The following ILKAP variants were observed in gnomAD, a reference collection of about 807,000 sequenced individuals.
ILKAP encodes ILK associated serine/threonine phosphatase.
ILKAP carries 11 observed loss-of-function variants against 49.1 expected under a neutral mutation model. That is an observed-to-expected ratio of 0.22 (90% CI 0.14 to 0.37). The LOEUF is 0.37. Ranked by LOEUF, ILKAP falls within the 10% of genes least tolerant of loss-of-function variation. ILKAP has a pLI of 1.00. For missense variants in ILKAP, 363 were observed against 510.8 expected (o/e 0.71, Z 2.79); for synonymous variants, 186 against 192.8 (o/e 0.96, Z 0.29).
chr2:238,181,203 C>T (rs1033440534), intron 9 of ILKAP, among the ~76,000 whole-genome samples: 2 of 152,204 alleles, frequency 1.3e-5, no homozygotes, highest in Non-Finnish European at 2.9e-5. Context: ...AGAGAAACTA[C>T]ACTTCAAAGG....
At chr2:238,177,150 GA>G (rs879319756) in intron 9 of ILKAP, among the ~76,000 whole-genome samples, 142 of 152,226 alleles carry the variant, frequency 9.3e-4, no homozygotes, top group Middle Eastern at 3.4e-3. Flanking sequence ...TAAGAAAGTA[GA>G]AAAAAATAAT....
At chr2:238,193,784 G>A (rs1694240566) in intron 3 of ILKAP, among the ~76,000 whole-genome samples, 2 of 152,138 alleles carry the variant, frequency 1.3e-5, no homozygotes, top group South Asian at 4.1e-4. Context: ...CCCAACCAGA[G>A]GAGCTCTACC....
chr2:238,194,508 T>C (rs1022493287), intron 2 of ILKAP, 177 bp from the exon 3 acceptor site: 1 of 622,874 alleles, frequency 1.6e-6, no homozygotes, highest in African/African-American at 1.8e-5. Context: ...AAAGTCCTAT[T>C]ATTTCAAAGG....
At position 238,199,515 on chromosome 2, in the gene ILKAP, G is replaced by A. The variant is rs149861777; in HGVS notation, c.55+3984C>T. On this transcript the variant is annotated intron_variant, in intron 1 of 11. Coordinates refer to ENST00000254654, the MANE Select transcript of ILKAP (RefSeq NM_030768.3). ...CATTTGTATTCCTTACCTCTGAACT[G>A]GGAGGATACATCCTTTGACCATTTT... Among the ~76,000 whole-genome samples the A allele has an allele frequency of 4.1e-4, 63 of 152,254 alleles. 1 individual carries two copies. Among genetic ancestry groups the A allele is most frequent in the African/African-American group, 1.4e-3 (58 of 41,536 alleles).
At chr2:238,183,954 A>G in intron 7 of ILKAP, 66 bp downstream of exon 7, 1 of 1,100,444 alleles carries the variant, frequency 9.1e-7, no homozygotes, top group Non-Finnish European at 1.4e-6. Flanking sequence ...ACATCAGAAG[A>G]CTGAAATGCA....
chr2:238,196,688 CG>C (rs1212107206), intron 1 of ILKAP, among the ~76,000 whole-genome samples: 1 of 152,110 alleles, frequency 6.6e-6, no homozygotes, highest in Non-Finnish European at 1.5e-5. Flanking sequence ...AAATTTCTCC[CG>C]GGGTCTTTGC....
At chr2:238,198,101 A>G (rs1694419484) in intron 1 of ILKAP, among the ~76,000 whole-genome samples, 1 of 152,152 alleles carries the variant, frequency 6.6e-6, no homozygotes, top group Non-Finnish European at 1.5e-5. Flanking sequence ...GATAATCCTG[A>G]GATTTTATAA....
At chr2:238,185,642 C>T (rs550225309) in intron 5 of ILKAP, 142 of 175,548 alleles carry the variant, frequency 8.1e-4, no homozygotes, top group African/African-American at 3.1e-3. Context: ...TCTCTACTAA[C>T]AATACAAAAA....
At chr2:238,197,368 C>T (rs1405522698) in intron 1 of ILKAP, among the ~76,000 whole-genome samples, 1 of 152,188 alleles carries the variant, frequency 6.6e-6, no homozygotes, top group Admixed American at 6.5e-5. Flanking sequence ...GACAATCACG[C>T]TGCATTCAGT....
intron 1 of ILKAP, among the ~76,000 whole-genome samples, chr2:238,201,185 T>G (rs1042817653): frequency 6.6e-6 from 1 of 152,188 alleles, no homozygotes; most frequent in Non-Finnish European, 1.5e-5. Flanking sequence ...AAGTATGTTT[T>G]TTTTTTTTAA....
At chr2:238,200,388 G>A (rs1417840126) in intron 1 of ILKAP, among the ~76,000 whole-genome samples, 3 of 152,218 alleles carry the variant, frequency 2.0e-5, no homozygotes, top group South Asian at 2.1e-4. Context: ...TAGATGCAAC[G>A]TTTAAAACAA....
At chr2:238,185,600 A>T in intron 5 of ILKAP, 2 of 246,806 alleles carry the variant, frequency 8.1e-6, no homozygotes, top group Non-Finnish European at 8.1e-6. Context: ...TCAGGAGATC[A>T]AGACCATCCT....
intron 8 of ILKAP, among the ~76,000 whole-genome samples, 171 bp downstream of exon 8, chr2:238,183,482 T>A (rs1693778953): frequency 6.6e-6 from 1 of 152,136 alleles, no homozygotes; most frequent in African/African-American, 2.4e-5. Flanking sequence ...TCTAGCTGAG[T>A]TGCTGTTCCC....
intron 4 of ILKAP, 154 bp downstream of exon 4, chr2:238,189,699 G>GA: frequency 3.4e-6 from 2 of 596,482 alleles, no homozygotes; most frequent in Non-Finnish European, 5.7e-6. Flanking sequence ...AAAGCACAGA[G>GA]AAACTTGGAA....
intron 7 of ILKAP, 74 bp downstream of exon 7, chr2:238,183,946 A>T (rs1412727228): frequency 9.3e-7 from 1 of 1,074,790 alleles, no homozygotes; most frequent in Non-Finnish European, 1.4e-6. Context: ...GTTAAACCAC[A>T]TCAGAAGACT....
intron 9 of ILKAP, among the ~76,000 whole-genome samples, chr2:238,174,671 T>A (rs1353715571): frequency 2.0e-5 from 3 of 152,186 alleles, no homozygotes; most frequent in African/African-American, 7.2e-5. Context: ...TCAGTATCCG[T>A]AACAAACATG....
chr2:238,184,630 G>C (rs911683298), intron 6 of ILKAP, among the ~76,000 whole-genome samples: 1 of 151,804 alleles, frequency 6.6e-6, no homozygotes, highest in Admixed American at 6.6e-5. Context: ...TGCAACTGTG[G>C]TTCACTGCAG....
At chr2:238,202,887 G>GAAA (rs397954562) in intron 1 of ILKAP, among the ~76,000 whole-genome samples, 26 of 116,724 alleles carry the variant, frequency 2.2e-4, no homozygotes, top group African/African-American at 4.2e-4. Flanking sequence ...CCGTGGACCA[G>GAAA]AAAAAAAAAA....
chr2:238,177,683 G>C (rs1341163977), intron 9 of ILKAP, among the ~76,000 whole-genome samples: 1 of 152,166 alleles, frequency 6.6e-6, no homozygotes, highest in Non-Finnish European at 1.5e-5. Context: ...ATAATATTCT[G>C]TTATATAGAC....
Sources: allele counts gnomAD v4.1 joint callset (sites outside exome capture counted in the v4.1 genomes callset), GRCh38; gene constraint gnomAD v4.1.1; transcripts MANE v1.5; gene names NCBI Gene and HGNC (gene_info 2026-07-23, HGNC 2026-07-21).